The following SOX5 variants were observed in gnomAD, a reference collection of about 807,000 sequenced individuals.
The protein encoded by SOX5 is SRY-box transcription factor 5, also known as transcription factor SOX-5.
In SOX5, 9 loss-of-function variants were observed where a neutral mutation model predicts 92.0. The ratio of observed to expected loss-of-function variants is 0.10; its 90% CI spans 0.06 to 0.17. SOX5 has a LOEUF of 0.17. Among genes scored for constraint, SOX5 ranks in the 10% least tolerant of loss-of-function variants. The probability of loss-of-function intolerance (pLI) is 1.00; values close to 1 mark genes in which losing one functional copy is unlikely to be tolerated. For missense variants in SOX5, 642 were observed against 944.5 expected, an observed-to-expected ratio of 0.68 and a Z score of 4.20; for synonymous variants, 344 against 336.3, an observed-to-expected ratio of 1.02 and a Z score of -0.25.
chr12:23,534,066 AG>A lies in SOX5; in HGVS notation c.*152del. On this transcript the variant is annotated 3_prime_UTR_variant, in exon 15 of 15. Transcript: ENST00000451604. Reference sequence around the variant, plus strand: ...TTTCTTTCCAAGCCTTTTGAGGCTGAGGTCTATTAGTCAGCTGATGTCCCAA... The same window carrying A: ...TTTCTTTCCAAGCCTTTTGAGGCTGAGTCTATTAGTCAGCTGATGTCCCAA... The A allele has an allele frequency of 1.6e-6, 1 of 633,248 alleles. No homozygotes were observed. Among genetic ancestry groups the A allele is most frequent in the South Asian group, 2.2e-5 (1 of 46,238 alleles). 39.2% of individuals were successfully genotyped at this position (633,248 alleles called of 1,614,324 possible).
At chr12:24,131,819 G>A (rs2138506514) in intron 4 of SOX5, among the ~76,000 whole-genome samples, 1 of 152,194 alleles carries the variant, frequency 6.6e-6, no homozygotes, top group African/African-American at 2.4e-5. Context: ...TTATTAAAAT[G>A]GTGTCTTTGT....
At chr12:23,959,295 T>C (rs1442036879) in intron 4 of SOX5, among the ~76,000 whole-genome samples, 1 of 151,850 alleles carries the variant, frequency 6.6e-6, no homozygotes, top group Non-Finnish European at 1.5e-5. Context: ...AATGTAGTAT[T>C]GAATGAATTG....
At chr12:24,235,014 A>G (rs867628025) in intron 3 of SOX5, among the ~76,000 whole-genome samples, 1 of 152,238 alleles carries the variant, frequency 6.6e-6, no homozygotes, top group Non-Finnish European at 1.5e-5. Flanking sequence ...ACCCTGCACT[A>G]CAATAAACTG....
chr12:23,950,898 C>T, upstream of SOX5: 1 of 1,534,720 alleles, frequency 6.5e-7, no homozygotes, highest in East Asian at 2.4e-5. Flanking sequence ...TGGTGGCTGC[C>T]CCGTGCACCG....
At chr12:24,137,304 G>A (rs1950193031) in intron 4 of SOX5, among the ~76,000 whole-genome samples, 1 of 152,144 alleles carries the variant, frequency 6.6e-6, no homozygotes, top group Non-Finnish European at 1.5e-5. Context: ...CAAGGTTGGA[G>A]GGGGCTGATA....
chr12:24,269,058 T>C (rs543242585), intron 3 of SOX5, among the ~76,000 whole-genome samples: 28 of 152,352 alleles, frequency 1.8e-4, no homozygotes, highest in African/African-American at 6.5e-4. Flanking sequence ...TTAAAAATTG[T>C]ATATTGCAGG....
intron 3 of SOX5, among the ~76,000 whole-genome samples, chr12:24,222,193 T>G (rs1960629592): frequency 2.0e-5 from 3 of 152,190 alleles, no homozygotes. Context: ...GGCCATTTAG[T>G]GTCTCTAAAC....
At chr12:24,422,107 G>A (rs961387720) in intron 1 of SOX5, among the ~76,000 whole-genome samples, 3 of 152,180 alleles carry the variant, frequency 2.0e-5, no homozygotes, top group East Asian at 1.9e-4. Flanking sequence ...AAGTCTAGAC[G>A]AATGGGGGCA....
At chr12:24,121,106 G>C (rs1948567019) in intron 4 of SOX5, among the ~76,000 whole-genome samples, 1 of 152,012 alleles carries the variant, frequency 6.6e-6, no homozygotes, top group East Asian at 1.9e-4. Flanking sequence ...TCTCACTCTG[G>C]GGTTTAAATG....
intron 1 of SOX5, among the ~76,000 whole-genome samples, chr12:23,916,502 G>A (rs1246145498): frequency 6.6e-6 from 1 of 152,148 alleles, no homozygotes; most frequent in Non-Finnish European, 1.5e-5. Flanking sequence ...AGCTCATGGA[G>A]TATATAGAAA....
chr12:23,551,986 T>G (rs1944303221), intron 11 of SOX5, among the ~76,000 whole-genome samples: 1 of 151,914 alleles, frequency 6.6e-6, no homozygotes, highest in South Asian at 2.1e-4. Flanking sequence ...TCTTAAGAAG[T>G]ACTACAAAGT....
chr12:24,039,422 A>G (rs1337401882), intron 4 of SOX5, among the ~76,000 whole-genome samples: 3 of 152,200 alleles, frequency 2.0e-5, no homozygotes, highest in Non-Finnish European at 4.4e-5. Flanking sequence ...TAATACTGAG[A>G]TGAGTTAGAT....
intron 3 of SOX5, among the ~76,000 whole-genome samples, chr12:24,243,593 G>A (rs1018693448): frequency 6.6e-6 from 1 of 151,882 alleles, no homozygotes; most frequent in South Asian, 2.1e-4. Flanking sequence ...TTAATGTATT[G>A]TTTAGATATA....
intron 8 of SOX5, among the ~76,000 whole-genome samples, chr12:23,618,695 G>T (rs865775908): frequency 6.6e-6 from 1 of 152,132 alleles, no homozygotes; most frequent in Non-Finnish European, 1.5e-5. Flanking sequence ...GATGAAAAAC[G>T]AATTGAACAG....
intron 1 of SOX5, among the ~76,000 whole-genome samples, chr12:24,457,668 A>G (rs1366674104): frequency 6.6e-6 from 1 of 152,212 alleles, no homozygotes; most frequent in East Asian, 1.9e-4. Flanking sequence ...ATTTCCCAAT[A>G]TCAGACAATT....
chr12:24,117,305 A>G (rs1294513301), intron 4 of SOX5, among the ~76,000 whole-genome samples: 2 of 152,154 alleles, frequency 1.3e-5, no homozygotes, highest in African/African-American at 4.8e-5. Context: ...CTATAATACA[A>G]ATGGTAAGTG....
intron 4 of SOX5, among the ~76,000 whole-genome samples, chr12:23,748,166 A>G (rs908040575): frequency 2.2e-4 from 33 of 151,966 alleles, no homozygotes; most frequent in Non-Finnish European, 2.8e-4. Context: ...TGTATCTCCC[A>G]GTAGAGTATA....
chr12:24,190,834 T>A (rs547286094), intron 4 of SOX5, among the ~76,000 whole-genome samples: 18 of 152,334 alleles, frequency 1.2e-4, no homozygotes, highest in African/African-American at 3.6e-4. Flanking sequence ...AATCAATGGA[T>A]TATGGTATAA....
chr12:24,513,050 C>G (rs1391324860), intron 1 of SOX5, among the ~76,000 whole-genome samples: 3 of 152,110 alleles, frequency 2.0e-5, no homozygotes, highest in African/African-American at 7.2e-5. Context: ...TATGTGGTAC[C>G]ATACTCTCTC....
Sources: gnomAD v4.1 joint callset for allele counts (sites outside exome capture counted in the v4.1 genomes callset) on GRCh38, gnomAD v4.1.1 for gene constraint, MANE v1.5 for transcripts, NCBI Gene and HGNC (gene_info 2026-07-23, HGNC 2026-07-21) for gene names.